SUMF1: variants seen among roughly 807,000 people sequenced by gnomAD.
SUMF1 encodes the protein sulfatase modifying factor 1.
Under a neutral mutation model 47.6 loss-of-function variants are expected in SUMF1, and 48 were observed. The observed-to-expected ratio is 1.01, with a 90% CI of 0.80 to 1.28. The LOEUF (loss-of-function observed/expected upper bound fraction) is 1.28, where lower values mean the gene tolerates loss of function less well. SUMF1 is among the 50% of genes most tolerant of loss of function. The pLI, the probability that SUMF1 is intolerant of heterozygous loss-of-function variation, is 0.00. For synonymous variants in SUMF1, 230 were observed against 192.1 expected, an observed-to-expected ratio of 1.20 and a Z score of -1.63; for missense variants, 571 against 485.4, an observed-to-expected ratio of 1.18 and a Z score of -1.66.
At chr3:4,184,703 T>C (rs1054567067) in intron 8 of SUMF1, among the ~76,000 whole-genome samples, 13 of 150,832 alleles carry the variant, frequency 8.6e-5, no homozygotes, top group African/African-American at 3.2e-4. Flanking sequence ...GGCTAGAGTA[T>C]AGTGGTGTGA....
At chr3:4,315,698 A>G (rs1452292916) in intron 8 of SUMF1, among the ~76,000 whole-genome samples, 1 of 152,128 alleles carries the variant, frequency 6.6e-6, no homozygotes, top group African/African-American at 2.4e-5. Context: ...ATATACTTCC[A>G]CTTGACTATT....
chr3:4,446,916 G>T (rs193238369), intron 3 of SUMF1, among the ~76,000 whole-genome samples: 2 of 152,188 alleles, frequency 1.3e-5, no homozygotes, highest in African/African-American at 4.8e-5. Flanking sequence ...CTTTAAATTA[G>T]CAAGATTAAA....
chr3:4,247,796 C>A (rs1472325380), intron 8 of SUMF1, among the ~76,000 whole-genome samples: 1 of 152,110 alleles, frequency 6.6e-6, no homozygotes, highest in East Asian at 1.9e-4. Flanking sequence ...CTTACAAAGC[C>A]CACTGATCCA....
chr3:4,199,254 C>A (rs1217238693), intron 8 of SUMF1, among the ~76,000 whole-genome samples: 2 of 151,842 alleles, frequency 1.3e-5, no homozygotes, highest in African/African-American at 2.4e-5. Context: ...TATATGTATT[C>A]TTTTGTGTAT....
chr3:4,220,209 C>T (rs1028840022), intron 8 of SUMF1, among the ~76,000 whole-genome samples: 5 of 152,146 alleles, frequency 3.3e-5, no homozygotes, highest in Non-Finnish European at 7.4e-5. Flanking sequence ...ATCAGGGCCA[C>T]AGTTCAGCTC....
At chr3:4,400,415 G>C (rs773902057) in intron 7 of SUMF1, among the ~76,000 whole-genome samples, 17 of 152,164 alleles carry the variant, frequency 1.1e-4, no homozygotes, top group Non-Finnish European at 2.1e-4. Context: ...CCACCATTAG[G>C]AATTCTGAGA....
intron 8 of SUMF1, among the ~76,000 whole-genome samples, chr3:4,165,186 T>A (rs1175018748): frequency 6.6e-6 from 1 of 152,130 alleles, no homozygotes; most frequent in Non-Finnish European, 1.5e-5. Flanking sequence ...CCGCATTCTT[T>A]TCATTAAAGG....
chr3:4,207,249 T>C (rs1289475782), intron 8 of SUMF1, among the ~76,000 whole-genome samples: 6 of 152,172 alleles, frequency 3.9e-5, no homozygotes, highest in African/African-American at 1.2e-4. Context: ...TAAGATTTCC[T>C]ACATACAAAT....
intron 8 of SUMF1, among the ~76,000 whole-genome samples, chr3:4,179,110 C>G (rs1375945594): frequency 6.6e-6 from 1 of 151,960 alleles, no homozygotes; most frequent in Non-Finnish European, 1.5e-5. Context: ...AAAACACTGC[C>G]CAAAGTAATT....
At chr3:4,401,530 G>A (rs73809540) in intron 7 of SUMF1, among the ~76,000 whole-genome samples, 5,448 of 152,116 alleles carry the variant, frequency 0.036, 192 homozygotes, top group African/African-American at 0.089. Flanking sequence ...GCAGTTCCCC[G>A]GATTTACTGT....
chr3:4,391,628 G>T (rs1700866554), intron 7 of SUMF1, among the ~76,000 whole-genome samples: 1 of 152,002 alleles, frequency 6.6e-6, no homozygotes, highest in Non-Finnish European at 1.5e-5. Context: ...GATTACAGGT[G>T]CATACCATGA....
At chr3:4,403,119 T>A (rs1019298711) in intron 7 of SUMF1, among the ~76,000 whole-genome samples, 3 of 152,234 alleles carry the variant, frequency 2.0e-5, no homozygotes, top group African/African-American at 7.2e-5. Flanking sequence ...AGTCCCATAC[T>A]ACACTCTCTC....
At chr3:4,102,157 G>A (rs368901268) in intron 8 of SUMF1, among the ~76,000 whole-genome samples, 44 of 152,166 alleles carry the variant, frequency 2.9e-4, no homozygotes, top group African/African-American at 1.0e-3. Context: ...ATTTTGGTGG[G>A]GATACAGCCA....
At chr3:4,402,558 T>A (rs963518897) in intron 7 of SUMF1, among the ~76,000 whole-genome samples, 2 of 152,288 alleles carry the variant, frequency 1.3e-5, no homozygotes, top group South Asian at 4.1e-4. Flanking sequence ...GTAGGCTGAC[T>A]CCAGTGCTAC....
intron 8 of SUMF1, among the ~76,000 whole-genome samples, chr3:4,339,948 A>G (rs755805039): frequency 1.3e-5 from 2 of 152,100 alleles, no homozygotes; most frequent in Non-Finnish European, 2.9e-5. Flanking sequence ...GTGGTTACAC[A>G]TACCTGTGGT....
chr3:4,302,825 G>A (rs112337491), intron 8 of SUMF1, among the ~76,000 whole-genome samples: 4 of 152,148 alleles, frequency 2.6e-5, no homozygotes, highest in Non-Finnish European at 5.9e-5. Context: ...GGTGAGGGTA[G>A]AGGGATGGAG....
chr3:4,035,634 G>A (rs985435004), intron 9 of SUMF1, among the ~76,000 whole-genome samples: 3 of 152,126 alleles, frequency 2.0e-5, no homozygotes, highest in African/African-American at 7.2e-5. Context: ...GCTTCCATTA[G>A]GCTGTATGAT....
chr3:4,047,070 C>A (rs1192487679), intron 9 of SUMF1, among the ~76,000 whole-genome samples: 1 of 152,042 alleles, frequency 6.6e-6, no homozygotes, highest in Non-Finnish European at 1.5e-5. Flanking sequence ...TTTGAACTTG[C>A]TACTCCTTTT....
At chr3:4,302,221 T>C (rs1243847539) in intron 8 of SUMF1, among the ~76,000 whole-genome samples, 1 of 152,176 alleles carries the variant, frequency 6.6e-6, no homozygotes, top group African/African-American at 2.4e-5. Flanking sequence ...GTGGTTGGGA[T>C]ACAGCTTACT....
Sources: allele counts gnomAD v4.1 joint callset (sites outside exome capture counted in the v4.1 genomes callset), GRCh38; gene constraint gnomAD v4.1.1; transcripts MANE v1.5; gene names NCBI Gene and HGNC (gene_info 2026-07-23, HGNC 2026-07-21).